Variants in SNTG2 observed in about 807,000 individuals in gnomAD.
SNTG2 encodes the protein syntrophin gamma 2.
A neutral mutation model predicts 70.9 loss-of-function variants in SNTG2; 74 were observed. The ratio of observed to expected loss-of-function variants is 1.04; its 90% confidence interval spans 0.86 to 1.27. The LOEUF is 1.27. Ranked by LOEUF, SNTG2 falls within the 50% of genes most tolerant of loss-of-function variation. The pLI is 0.00. For missense variants in SNTG2, 717 were observed against 690.7 expected (o/e 1.04, Z -0.43); for synonymous variants, 278 against 273.8 (o/e 1.02, Z -0.15).
In SNTG2 at chr2:1,226,541, C is replaced by G. The variant is rs191801579; in HGVS notation, c.720-11347C>G. ...AAATGGAGGTGCAAGGCCTCGAGGC[C>G]ATGACAGTGACCTCCTGGACACGGA... On this transcript the variant is annotated intron_variant, in intron 9 of 16. Transcript: ENST00000308624. Among the ~76,000 whole-genome samples, 4 of 152,132 alleles carry G rather than the reference C, an allele frequency of 2.6e-5. No homozygotes were observed. The East Asian group carries it at 7.7e-4, about 29-fold the overall frequency.
intron 16 of SNTG2, among the ~76,000 whole-genome samples, chr2:1,347,299 C>T (rs1660344847): frequency 6.6e-6 from 1 of 152,130 alleles, no homozygotes; most frequent in Non-Finnish European, 1.5e-5. Context: ...AGCCAGGGAT[C>T]CTGCAGGGCA....
At chr2:1,100,411 C>G (rs964074429) in intron 4 of SNTG2, among the ~76,000 whole-genome samples, 1 of 152,206 alleles carries the variant, frequency 6.6e-6, no homozygotes, top group Non-Finnish European at 1.5e-5. Context: ...TCCCAAAGTG[C>G]TGGGATTACA....
chr2:1,205,671 T>C (rs4524153), intron 8 of SNTG2, among the ~76,000 whole-genome samples: 49,124 of 151,846 alleles, frequency 0.32, 8,402 homozygotes, highest in East Asian at 0.65. Flanking sequence ...AGGCAGCTCA[T>C]GTGAACATCG....
At chr2:1,248,773 G>A (rs1224461659) in intron 12 of SNTG2, among the ~76,000 whole-genome samples, 1 of 152,180 alleles carries the variant, frequency 6.6e-6, no homozygotes, top group Non-Finnish European at 1.5e-5. Context: ...TGACACTGGA[G>A]ATGCATGAAG....
chr2:1,059,649 C>T (rs1336421022), intron 1 of SNTG2, among the ~76,000 whole-genome samples: 1 of 152,044 alleles, frequency 6.6e-6, no homozygotes, highest in African/African-American at 2.4e-5. Flanking sequence ...AAAACCTTGA[C>T]AATGGAAATA....
intron 14 of SNTG2, among the ~76,000 whole-genome samples, chr2:1,271,343 C>T (rs1679008267): frequency 6.6e-6 from 1 of 152,034 alleles, no homozygotes; most frequent in African/African-American, 2.4e-5. Flanking sequence ...GCATGTTGTT[C>T]TGCAATTTAC....
At chr2:1,334,523 A>G (rs961644589) in intron 16 of SNTG2, among the ~76,000 whole-genome samples, 2 of 152,238 alleles carry the variant, frequency 1.3e-5, no homozygotes, top group African/African-American at 4.8e-5. Flanking sequence ...TAGCAATTTC[A>G]AAGACATGGA....
intron 6 of SNTG2, among the ~76,000 whole-genome samples, chr2:1,159,075 CGT>C (rs1222435234): frequency 2.0e-5 from 3 of 150,634 alleles, no homozygotes; most frequent in Non-Finnish European, 2.9e-5. Context: ...TGTGTGTGCA[CGT>C]GTGTCCGTGT....
At chr2:952,808 T>C (rs891027438) in intron 1 of SNTG2, among the ~76,000 whole-genome samples, 4 of 152,234 alleles carry the variant, frequency 2.6e-5, no homozygotes, top group African/African-American at 9.6e-5. Flanking sequence ...CAGATTCTTA[T>C]GTATTTAAAA....
intron 1 of SNTG2, among the ~76,000 whole-genome samples, chr2:983,506 CA>C (rs1210211987): frequency 1.3e-5 from 2 of 152,166 alleles, no homozygotes; most frequent in Non-Finnish European, 2.9e-5. Flanking sequence ...GCATGACTTT[CA>C]GGGGGGCTGC....
intron 4 of SNTG2, among the ~76,000 whole-genome samples, chr2:1,103,654 C>T (rs1665937370): frequency 6.6e-6 from 1 of 152,178 alleles, no homozygotes; most frequent in South Asian, 2.1e-4. Flanking sequence ...TCCCAAAGTA[C>T]TGGGATTACG....
At chr2:1,291,981 T>C (rs1680011956) in intron 14 of SNTG2, among the ~76,000 whole-genome samples, 1 of 152,186 alleles carries the variant, frequency 6.6e-6, no homozygotes, top group Non-Finnish European at 1.5e-5. Flanking sequence ...AGATGTCTTT[T>C]CTTCAATGGT....
intron 4 of SNTG2, among the ~76,000 whole-genome samples, chr2:1,114,028 G>T (rs373535486): frequency 1.3e-5 from 2 of 151,054 alleles, no homozygotes; most frequent in Non-Finnish European, 3.0e-5. Flanking sequence ...CTTTGAGGAG[G>T]ATCGTGTGTA....
At chr2:1,337,520 T>A (rs1191648634) in intron 16 of SNTG2, among the ~76,000 whole-genome samples, 2 of 152,192 alleles carry the variant, frequency 1.3e-5, no homozygotes, top group Non-Finnish European at 2.9e-5. Flanking sequence ...TTTGCCCATT[T>A]TCTTATCAAG....
intron 12 of SNTG2, among the ~76,000 whole-genome samples, chr2:1,252,077 C>T (rs1677805451): frequency 6.6e-6 from 1 of 152,182 alleles, no homozygotes; most frequent in Non-Finnish European, 1.5e-5. Context: ...TCTGGAGGCG[C>T]CCAGTACGCA....
At chr2:1,283,086 T>G (rs953974036) in intron 14 of SNTG2, among the ~76,000 whole-genome samples, 2 of 152,174 alleles carry the variant, frequency 1.3e-5, no homozygotes, top group Non-Finnish European at 2.9e-5. Flanking sequence ...GGAAAATTCC[T>G]TCTCCAGGGT....
intron 15 of SNTG2, among the ~76,000 whole-genome samples, chr2:1,315,050 T>A (rs1456250728): frequency 1.3e-5 from 2 of 152,172 alleles, no homozygotes; most frequent in Admixed American, 6.5e-5. Flanking sequence ...TTTGGAATAT[T>A]CTCTTTCTAG....
chr2:1,104,671 G>T (rs7557993), intron 4 of SNTG2, among the ~76,000 whole-genome samples: 20,653 of 152,168 alleles, frequency 0.14, 1,562 homozygotes, highest in Admixed American at 0.16. Context: ...TGGGGTGCTG[G>T]CATTGTGAAA....
intron 9 of SNTG2, among the ~76,000 whole-genome samples, chr2:1,211,874 C>G (rs145106539): frequency 6.6e-6 from 1 of 152,270 alleles, no homozygotes; most frequent in East Asian, 1.9e-4. Flanking sequence ...ACTTGATAAC[C>G]CATTCTGGCA....
Sources: allele counts gnomAD v4.1 joint callset (sites outside exome capture counted in the v4.1 genomes callset), GRCh38; gene constraint gnomAD v4.1.1; transcripts MANE v1.5; gene names NCBI Gene and HGNC (gene_info 2026-07-23, HGNC 2026-07-21).